AFF2: variants seen among roughly 807,000 people sequenced by gnomAD.
The protein encoded by AFF2 is AF4/FMR2 family member 2.
In AFF2, 14 loss-of-function variants were observed where a neutral mutation model predicts 76.9. The observed-to-expected ratio is 0.18, with a 90% CI of 0.12 to 0.28. The LOEUF (loss-of-function observed/expected upper bound fraction) is 0.28, where lower values mean the gene tolerates loss of function less well. Among genes scored for constraint, AFF2 ranks in the 10% least tolerant of loss-of-function variants. The probability of loss-of-function intolerance (pLI) is 1.00; values close to 1 mark genes in which losing one functional copy is unlikely to be tolerated. For missense variants in AFF2, 868 were observed against 1,001.1 expected (o/e 0.87, Z 1.79); for synonymous variants, 398 against 366.7 (o/e 1.09, Z -0.98).
chrX:148,954,580 CTTA>C (rs1364285075), intron 10 of AFF2, among the ~76,000 whole-genome samples: 1 of 112,095 alleles, frequency 8.9e-6, no homozygotes, highest in Non-Finnish European at 1.9e-5. Context: ...TTACAGAGTA[CTTA>C]TTATTATTTT....
At chrX:148,626,826 C>A (rs1336191891) in intron 1 of AFF2, among the ~76,000 whole-genome samples, 2 of 111,441 alleles carry the variant, frequency 1.8e-5, no homozygotes, top group African/African-American at 6.5e-5. Flanking sequence ...TCTTGAGATT[C>A]TTAATTTAAT....
chrX:148,815,994 G>A (rs1224989055), intron 4 of AFF2, among the ~76,000 whole-genome samples: 4 of 112,086 alleles, frequency 3.6e-5, no homozygotes, highest in African/African-American at 1.3e-4. Flanking sequence ...TTTAGGCCAT[G>A]TGTAGAATTT....
At chrX:148,982,561 G>A (rs2072408164) in intron 19 of AFF2, among the ~76,000 whole-genome samples, 1 of 112,017 alleles carries the variant, frequency 8.9e-6, no homozygotes, top group East Asian at 2.8e-4. Flanking sequence ...GTCCCCCAAG[G>A]AGGGCTCTCA....
chrX:148,712,903 A>G (rs1186818039), intron 3 of AFF2, among the ~76,000 whole-genome samples: 1 of 111,810 alleles, frequency 8.9e-6, no homozygotes, highest in Admixed American at 9.5e-5. Context: ...AGTGTGTAAA[A>G]TATAAAATAT....
chrX:148,937,374 A>C (rs2071786743), intron 9 of AFF2, among the ~76,000 whole-genome samples: 1 of 112,341 alleles, frequency 8.9e-6, no homozygotes, highest in Non-Finnish European at 1.9e-5. Context: ...GCTTTGGGTC[A>C]TCTCTGGTCA....
chrX:148,624,372 T>C (rs1175747294), intron 1 of AFF2, among the ~76,000 whole-genome samples: 1 of 112,127 alleles, frequency 8.9e-6, no homozygotes, highest in African/African-American at 3.2e-5. Flanking sequence ...TGTATCAGCA[T>C]TGAAGTTGCT....
chrX:148,597,490 A>G (rs782799933), intron 1 of AFF2, among the ~76,000 whole-genome samples: 1 of 112,241 alleles, frequency 8.9e-6, no homozygotes, highest in Non-Finnish European at 1.9e-5. Flanking sequence ...AATAATTTCA[A>G]ATTGCTGAGC....
intron 8 of AFF2, among the ~76,000 whole-genome samples, chrX:148,892,381 A>T (rs1183716863): frequency 9.2e-6 from 1 of 108,947 alleles, no homozygotes; most frequent in African/African-American, 3.3e-5. Context: ...AACACAAAAA[A>T]GTTGCTTTTA....
intron 3 of AFF2, among the ~76,000 whole-genome samples, chrX:148,794,269 G>A (rs184218629): frequency 8.9e-6 from 1 of 112,254 alleles, no homozygotes; most frequent in East Asian, 2.8e-4. Flanking sequence ...CTTCATTCCA[G>A]CCTTGTCATG....
intron 3 of AFF2, among the ~76,000 whole-genome samples, chrX:148,678,670 A>G (rs1244301670): frequency 8.9e-6 from 1 of 111,967 alleles, no homozygotes; most frequent in African/African-American, 3.2e-5. Flanking sequence ...ATTTTCCATA[A>G]CCCAAAGATA....
chrX:148,782,107 G>A (rs1315764206), intron 3 of AFF2, among the ~76,000 whole-genome samples: 1 of 111,713 alleles, frequency 9.0e-6, no homozygotes, highest in African/African-American at 3.3e-5. Flanking sequence ...GCTGGGAGCT[G>A]CAGACCAGAG....
At chrX:148,952,602 G>C (rs1165699747) in intron 9 of AFF2, among the ~76,000 whole-genome samples, 1 of 111,602 alleles carries the variant, frequency 9.0e-6, no homozygotes, top group Non-Finnish European at 1.9e-5. Context: ...GAAAAAGAAA[G>C]GTGATGGCAT....
intron 1 of AFF2, among the ~76,000 whole-genome samples, chrX:148,581,434 A>G (rs2053398397): frequency 1.3e-5 from 1 of 77,796 alleles, no homozygotes; most frequent in African/African-American, 4.6e-5. Context: ...GTCTACGTGT[A>G]CACACATATA....
intron 9 of AFF2, among the ~76,000 whole-genome samples, chrX:148,933,875 G>A (rs782447500): frequency 8.9e-6 from 1 of 112,045 alleles, no homozygotes; most frequent in Non-Finnish European, 1.9e-5. Context: ...AAATATGTGA[G>A]ATCATTTCTC....
intron 1 of AFF2, among the ~76,000 whole-genome samples, chrX:148,585,403 G>A (rs1557245740): frequency 7.1e-5 from 8 of 111,918 alleles, no homozygotes; most frequent in Non-Finnish European, 3.8e-5. Context: ...AATAGTACCT[G>A]CCACCTAGAG....
chrX:148,776,267 C>T (rs2069665785), intron 3 of AFF2, among the ~76,000 whole-genome samples: 2 of 112,118 alleles, frequency 1.8e-5, no homozygotes, highest in Admixed American at 1.9e-4. Flanking sequence ...CATTAATGGG[C>T]ATTTGGGCTG....
intron 3 of AFF2, among the ~76,000 whole-genome samples, chrX:148,667,950 G>A (rs1405857840): frequency 8.9e-6 from 1 of 112,339 alleles, no homozygotes; most frequent in Non-Finnish European, 1.9e-5. Flanking sequence ...ACAGTCTAAA[G>A]TCTAATCTGA....
At chrX:148,881,265 A>G (rs2071092202) in intron 7 of AFF2, among the ~76,000 whole-genome samples, 1 of 111,869 alleles carries the variant, frequency 8.9e-6, no homozygotes, top group Admixed American at 9.5e-5. Flanking sequence ...GGAGCCTATT[A>G]TGCCCAGTCT....
intron 3 of AFF2, among the ~76,000 whole-genome samples, chrX:148,689,522 G>A (rs2054630499): frequency 9.1e-6 from 1 of 110,304 alleles, no homozygotes; most frequent in African/African-American, 3.3e-5. Flanking sequence ...AAGTGTGTGT[G>A]GTCCCCAGGA....
Sources: allele counts gnomAD v4.1 joint callset (sites outside exome capture counted in the v4.1 genomes callset), GRCh38; gene constraint gnomAD v4.1.1; transcripts MANE v1.5; gene names NCBI Gene and HGNC (gene_info 2026-07-23, HGNC 2026-07-21).